Variants in KCNT2 observed in about 807,000 individuals in gnomAD.
KCNT2 encodes potassium channel subfamily T member 2.
A neutral mutation model predicts 153.8 loss-of-function variants in KCNT2; 67 were observed. That is an observed-to-expected ratio of 0.44 (90% CI 0.36 to 0.53). KCNT2 has a LOEUF of 0.53. KCNT2 is among the 20% of genes least tolerant of loss of function. KCNT2 has a pLI of 0.00. For synonymous variants in KCNT2, 500 were observed against 458.8 expected, an observed-to-expected ratio of 1.09 and a Z score of -1.15; for missense variants, 975 against 1,354.8, an observed-to-expected ratio of 0.72 and a Z score of 4.40.
intron 22 of KCNT2, among the ~76,000 whole-genome samples, chr1:196,293,149 G>C (rs1412399842): frequency 1.3e-5 from 2 of 152,092 alleles, no homozygotes; most frequent in Admixed American, 1.3e-4. Flanking sequence ...AAGCGTTATT[G>C]TGGTCATAAA....
chr1:196,453,025 G>C (rs1398772041), intron 8 of KCNT2, among the ~76,000 whole-genome samples: 1 of 151,942 alleles, frequency 6.6e-6, no homozygotes, highest in African/African-American at 2.4e-5. Flanking sequence ...AATGATCACA[G>C]TAAATGAGAA....
intron 8 of KCNT2, among the ~76,000 whole-genome samples, chr1:196,448,296 A>G (rs1243728130): frequency 2.0e-5 from 3 of 151,688 alleles, no homozygotes; most frequent in African/African-American, 4.8e-5. Flanking sequence ...AATGCAAGCA[A>G]AACTCTAAGG....
chr1:196,427,285 T>C (rs1407555182), intron 10 of KCNT2, among the ~76,000 whole-genome samples: 1 of 152,078 alleles, frequency 6.6e-6, no homozygotes, highest in Non-Finnish European at 1.5e-5. Context: ...AAATTAGGTG[T>C]TTTAAAACAC....
chr1:196,563,706 T>C (rs1659732721), intron 1 of KCNT2, among the ~76,000 whole-genome samples: 1 of 151,932 alleles, frequency 6.6e-6, no homozygotes, highest in African/African-American at 2.4e-5. Flanking sequence ...CAACAATTAT[T>C]CAACATATGC....
chr1:196,416,290 C>T (rs949688754), intron 12 of KCNT2, among the ~76,000 whole-genome samples: 1 of 151,940 alleles, frequency 6.6e-6, no homozygotes, highest in African/African-American at 2.4e-5. Context: ...CAAGTGCCTC[C>T]TTGAAGTGAA....
intron 16 of KCNT2, among the ~76,000 whole-genome samples, chr1:196,336,997 C>T (rs1665102154): frequency 7.3e-6 from 1 of 137,558 alleles, no homozygotes; most frequent in Admixed American, 7.1e-5. Flanking sequence ...TCCTCAAAGA[C>T]TTCATTTGGT....
At chr1:196,458,135 T>A (rs537434196) in intron 8 of KCNT2, among the ~76,000 whole-genome samples, 3 of 151,882 alleles carry the variant, frequency 2.0e-5, no homozygotes, top group African/African-American at 2.4e-5. Flanking sequence ...AAAATAAATA[T>A]ATAGGTGTAT....
At chr1:196,374,202 T>C (rs1425673224) in intron 13 of KCNT2, among the ~76,000 whole-genome samples, 1 of 151,772 alleles carries the variant, frequency 6.6e-6, no homozygotes, top group Non-Finnish European at 1.5e-5. Flanking sequence ...GGCAGAAAAG[T>C]AGCACTTTTA....
intron 1 of KCNT2, among the ~76,000 whole-genome samples, chr1:196,542,973 C>T (rs949873184): frequency 6.6e-5 from 10 of 152,012 alleles, no homozygotes; most frequent in Non-Finnish European, 1.0e-4. Flanking sequence ...CTACAGAAAA[C>T]GCTGGTGGAA....
intron 14 of KCNT2, among the ~76,000 whole-genome samples, chr1:196,345,697 G>C (rs1666081912): frequency 6.6e-6 from 1 of 152,158 alleles, no homozygotes; most frequent in African/African-American, 2.4e-5. Context: ...GATCCACCTA[G>C]ATGATAATGG....
intron 16 of KCNT2, among the ~76,000 whole-genome samples, chr1:196,336,923 C>G (rs995242512): frequency 2.6e-5 from 4 of 152,128 alleles, no homozygotes; most frequent in African/African-American, 9.7e-5. Context: ...TTCTCATCCC[C>G]CTGATACTTA....
intron 13 of KCNT2, among the ~76,000 whole-genome samples, chr1:196,384,779 AAAATAAAT>A (rs1286712772): frequency 6.6e-6 from 1 of 152,038 alleles, no homozygotes; most frequent in African/African-American, 2.4e-5. Context: ...ATTATTTAAA[AAAATAAAT>A]AAATACAATA....
chr1:196,440,447 A>T (rs570602722), intron 8 of KCNT2, among the ~76,000 whole-genome samples: 61 of 152,106 alleles, frequency 4.0e-4, no homozygotes, highest in Non-Finnish European at 6.5e-4. Context: ...GAATTGATTA[A>T]TTTTAAAGGA....
intron 25 of KCNT2, among the ~76,000 whole-genome samples, chr1:196,260,730 TAA>T (rs1345193317): frequency 6.6e-6 from 1 of 151,918 alleles, no homozygotes; most frequent in East Asian, 1.9e-4. Context: ...AAAAGTACAT[TAA>T]GTTTATATGT....
intron 14 of KCNT2, among the ~76,000 whole-genome samples, chr1:196,366,165 T>C (rs965988370): frequency 7.0e-6 from 1 of 142,872 alleles, no homozygotes; most frequent in Non-Finnish European, 1.5e-5. Context: ...TTAATTATTA[T>C]TTTTTTTTTT....
At chr1:196,297,225 T>A (rs1660755377) in intron 22 of KCNT2, among the ~76,000 whole-genome samples, 2 of 152,078 alleles carry the variant, frequency 1.3e-5, no homozygotes, top group Admixed American at 1.3e-4. Context: ...TATTATAAAT[T>A]ATTTATTTTC....
At chr1:196,317,325 C>A in intron 20 of KCNT2, 1 of 435,844 alleles carries the variant, frequency 2.3e-6, no homozygotes, top group Non-Finnish European at 4.7e-6. Context: ...GGGGCCAGGA[C>A]CATAACATCC....
At chr1:196,275,603 T>C (rs572870482) in intron 25 of KCNT2, among the ~76,000 whole-genome samples, 89 of 152,066 alleles carry the variant, frequency 5.9e-4, no homozygotes, top group Admixed American at 2.6e-3. Flanking sequence ...ATATCAGAGA[T>C]ATAAAAAATG....
intron 26 of KCNT2, among the ~76,000 whole-genome samples, chr1:196,253,859 A>C (rs544740530): frequency 6.6e-6 from 1 of 151,666 alleles, no homozygotes; most frequent in Admixed American, 6.6e-5. Flanking sequence ...ATAACAAAAA[A>C]ATTTTATTTG....
Sources: gnomAD v4.1 joint callset for allele counts (sites outside exome capture counted in the v4.1 genomes callset) on GRCh38, gnomAD v4.1.1 for gene constraint, MANE v1.5 for transcripts, NCBI Gene and HGNC (gene_info 2026-07-23, HGNC 2026-07-21) for gene names.